Variants in TTC7A observed in about 807,000 individuals in gnomAD.
TTC7A encodes the protein tetratricopeptide repeat protein 7A.
TTC7A carries 110 observed loss-of-function variants against 103.7 expected under a neutral mutation model. That is an observed-to-expected ratio of 1.06 (90% CI 0.91 to 1.24). TTC7A has a LOEUF of 1.24. TTC7A is among the 50% of genes most tolerant of loss of function. The probability of loss-of-function intolerance (pLI) is 0.00; values close to 1 mark genes in which losing one functional copy is unlikely to be tolerated. For missense variants in TTC7A, 1,340 were observed against 1,116.3 expected (o/e 1.20, Z -2.86); for synonymous variants, 521 against 467.9 (o/e 1.11, Z -1.47).
intron 19 of TTC7A, chr2:47,071,154 G>A (rs1684657967): frequency 6.6e-6 from 1 of 152,262 alleles, no homozygotes; most frequent in African/African-American, 2.4e-5. Context: ...ATCTTCCTGG[G>A]GCTGTGTCTT....
chr2:47,047,437 A>C, intron 16 of TTC7A: 2 of 745,732 alleles, frequency 2.7e-6, no homozygotes, highest in South Asian at 3.6e-5. Flanking sequence ...AGCTGCCAGA[A>C]GGAGGCTCTG....
intron 2 of TTC7A, among the ~76,000 whole-genome samples, chr2:46,954,602 C>T (rs1050983378): frequency 6.5e-5 from 9 of 137,970 alleles, no homozygotes; most frequent in African/African-American, 1.2e-4. Flanking sequence ...AACGGAGTCT[C>T]GCTCTGTCAC....
intron 2 of TTC7A, among the ~76,000 whole-genome samples, chr2:46,954,598 G>C (rs1203994926): frequency 1.4e-5 from 2 of 141,530 alleles, no homozygotes; most frequent in African/African-American, 5.4e-5. Context: ...AGACAACGGA[G>C]TCTCGCTCTG....
intron 11 of TTC7A, among the ~76,000 whole-genome samples, chr2:47,012,011 CCTTTA>C (rs1328812353): frequency 6.6e-6 from 1 of 152,230 alleles, no homozygotes; most frequent in Non-Finnish European, 1.5e-5. Context: ...CAGTTCGAGG[CCTTTA>C]ACCCCCCAGT....
chr2:46,964,787 A>C (rs1672694906), intron 3 of TTC7A, among the ~76,000 whole-genome samples: 1 of 152,006 alleles, frequency 6.6e-6, no homozygotes, highest in Non-Finnish European at 1.5e-5. Context: ...TTTCTCTAGC[A>C]CTAGCTCAGT....
chr2:47,039,866 G>A (rs1009927915), intron 15 of TTC7A, among the ~76,000 whole-genome samples: 5 of 152,174 alleles, frequency 3.3e-5, no homozygotes, highest in African/African-American at 7.2e-5. Flanking sequence ...ATTTTCTAAC[G>A]GGGAACAGAG....
intron 10 of TTC7A, 38 bp downstream of exon 10, chr2:47,006,762 C>G: frequency 1.3e-6 from 2 of 1,493,348 alleles, no homozygotes; most frequent in Non-Finnish European, 9.3e-7. Flanking sequence ...CACACTCACC[C>G]GCAGGGGGCT....
At chr2:47,063,504 T>C (rs1277227832) in intron 19 of TTC7A, among the ~76,000 whole-genome samples, 2 of 152,222 alleles carry the variant, frequency 1.3e-5, no homozygotes, top group African/African-American at 4.8e-5. Context: ...CAGTTTCACA[T>C]TTATGTAAGG....
intron 18 of TTC7A, among the ~76,000 whole-genome samples, chr2:47,054,933 A>T (rs1353801386): frequency 6.6e-6 from 1 of 152,030 alleles, no homozygotes; most frequent in Non-Finnish European, 1.5e-5. Flanking sequence ...AAGGAACATG[A>T]GAAGGTGTCC....
chr2:46,999,738 ATCTT>A (rs1411849369), intron 8 of TTC7A: 2 of 985,360 alleles, frequency 2.0e-6, no homozygotes, highest in Non-Finnish European at 2.4e-6. Context: ...AGATACAGGA[ATCTT>A]TCTTATTTCT....
At chr2:46,967,788 T>A (rs563345006) in intron 3 of TTC7A, among the ~76,000 whole-genome samples, 4 of 152,290 alleles carry the variant, frequency 2.6e-5, no homozygotes, top group Non-Finnish European at 4.4e-5. Context: ...GAAGTGGAAT[T>A]GCTGGATCAT....
At chr2:46,978,568 A>AAAAAAAAAAG in intron 4 of TTC7A, among the ~76,000 whole-genome samples, 1 of 151,854 alleles carries the variant, frequency 6.6e-6, no homozygotes, top group Non-Finnish European at 1.5e-5. Context: ...TTCTTAAAAA[A>AAAAAAAAAAG]AAAAAAAGAC....
In TTC7A at chr2:46,956,907, T is replaced by C; in HGVS notation, c.417T>C (p.Asp139=). The C allele has an allele frequency of 6.2e-7, 1 of 1,614,062 alleles. No homozygotes were observed. The highest frequency in any genetic ancestry group is 8.5e-7 in the Non-Finnish European group (1 of 1,179,974). The change falls in exon 3 of 20, where the codon GAT becomes GAC. Residue 139 remains aspartate (D), a synonymous_variant. Transcript: ENST00000319190. Reference sequence around the variant, plus strand: ...ATTACGTGGAGGGCTCATACCGAGATGCCATCAGCATGTACGCACGGGCCG... The same window carrying C: ...ATTACGTGGAGGGCTCATACCGAGACGCCATCAGCATGTACGCACGGGCCG... ...KLHYVEGSYR[D]AISMYARAGI... is the part of the protein sequence containing the mutation.
rs751361481 is a variant in TTC7A, at chr2:47,011,394, C to G, written c.1351C>G (p.Pro451Ala). 1.9e-6 allele frequency: 3 copies of G among 1,611,290 alleles called. No homozygotes were observed. The Admixed American group carries it at 5.0e-5, about 27-fold the overall frequency. The change falls in exon 11 of 20, where the codon CCC becomes GCC. Residue 451 changes from proline (P) to alanine (A), a missense_variant. Transcript: ENST00000319190. ...GTTGCGGCCCTCGGACCCCACCGTG[C>G]CCCTGATGGCCGCGAAGGTCTGCAT... is the stretch of plus-strand genomic sequence containing the variant. The part of the protein sequence containing the change: ...VKLRPSDPTV[P>A]LMAAKVCIGS...
At chr2:46,937,701 G>A (rs1670049947), upstream of TTC7A, among the ~76,000 whole-genome samples, 1 of 152,186 alleles carries the variant, frequency 6.6e-6, no homozygotes, top group African/African-American at 2.4e-5. The surrounding 1 kb of genome is among the most constrained non-coding windows in gnomAD (Gnocchi z 4.0). Context: ...TTCTCCCAAA[G>A]TGTTAGGATT....
chr2:46,950,572 C>T, intron 2 of TTC7A, 46 bp downstream of exon 2: 4 of 1,598,300 alleles, frequency 2.5e-6, no homozygotes, highest in Non-Finnish European at 3.4e-6. Context: ...CCTCGTCTGT[C>T]TTGCCTCGCA....
chr2:46,992,582 C>T lies in TTC7A; in HGVS notation c.765-868C>T, dbSNP rs117775525. 4.0e-4 allele frequency among the ~76,000 whole-genome samples: 61 copies of T among 152,314 alleles called. No homozygotes were observed. The East Asian group carries it at 9.1e-3, about 23-fold the overall frequency. ...CAGGCCCCACAGCCTCAGGAAGCTACGCTGAGGGCTTATTCTGTGAGCCCT... is the reference window on the plus strand; with the variant it reads ...CAGGCCCCACAGCCTCAGGAAGCTATGCTGAGGGCTTATTCTGTGAGCCCT... On this transcript the variant is annotated intron_variant, in intron 5 of 19. Transcript: ENST00000319190.
At chr2:46,970,778 TC>T (rs1225135426) in intron 3 of TTC7A, among the ~76,000 whole-genome samples, 2 of 152,150 alleles carry the variant, frequency 1.3e-5, no homozygotes, top group South Asian at 4.2e-4. Context: ...CGGTTCCTCT[TC>T]CCCCTTTAGT....
intron 18 of TTC7A, among the ~76,000 whole-genome samples, chr2:47,058,528 T>G (rs962702782): frequency 3.3e-5 from 5 of 152,192 alleles, no homozygotes; most frequent in African/African-American, 1.2e-4. Context: ...CTGTTCTCTA[T>G]CCCACCCCAG....
Sources: allele counts gnomAD v4.1 joint callset (sites outside exome capture counted in the v4.1 genomes callset), GRCh38; gene constraint gnomAD v4.1.1; non-coding constraint Gnocchi (gnomAD v3.1); transcripts MANE v1.5; gene names NCBI Gene and HGNC (gene_info 2026-07-23, HGNC 2026-07-21).